TASP1: variants seen among roughly 807,000 people sequenced by gnomAD.
TASP1 encodes the protein threonine aspartase 1.
A neutral mutation model predicts 56.6 loss-of-function variants in TASP1; 16 were observed. The ratio of observed to expected loss-of-function variants is 0.28; its 90% CI spans 0.19 to 0.43. The LOEUF (loss-of-function observed/expected upper bound fraction) is 0.43, where lower values mean the gene tolerates loss of function less well. Ranked by LOEUF, TASP1 falls within the 20% of genes least tolerant of loss-of-function variation. The pLI, the probability that TASP1 is intolerant of heterozygous loss-of-function variation, is 1.00. For synonymous variants in TASP1, 179 were observed against 184.2 expected, an observed-to-expected ratio of 0.97 and a Z score of 0.23; for missense variants, 393 against 511.6, an observed-to-expected ratio of 0.77 and a Z score of 2.24.
At chr20:13,606,748 A>G (rs939290556) in intron 4 of TASP1, among the ~76,000 whole-genome samples, 4 of 149,416 alleles carry the variant, frequency 2.7e-5, no homozygotes, top group African/African-American at 9.9e-5. Flanking sequence ...CGGAGCTTGC[A>G]GTGAGCCGAG....
chr20:13,309,122 A>G, the TASP1 span, among the ~76,000 whole-genome samples: 107 of 152,340 alleles, frequency 7.0e-4, no homozygotes, highest in African/African-American at 2.5e-3. Flanking sequence ...TTTAAAACTC[A>G]CAATGCAAGG....
At chr20:13,249,037 G>C in the TASP1 span, among the ~76,000 whole-genome samples, 416 of 152,282 alleles carry the variant, frequency 2.7e-3, 6 homozygotes, top group African/African-American at 9.4e-3. Flanking sequence ...CAGGCCCCAC[G>C]TACATGTGGT....
the TASP1 span, among the ~76,000 whole-genome samples, chr20:13,132,108 G>A: frequency 6.6e-6 from 1 of 151,686 alleles, no homozygotes; most frequent in Non-Finnish European, 1.5e-5. Flanking sequence ...GCCTTATTAG[G>A]GAATTGGCCC....
At chr20:13,136,506 G>T in the TASP1 span, among the ~76,000 whole-genome samples, 1 of 151,570 alleles carries the variant, frequency 6.6e-6, no homozygotes, top group East Asian at 1.9e-4. Context: ...AGGAAGTGGT[G>T]GGAGGATCAC....
chr20:13,577,817 C>G (rs1173416484), intron 6 of TASP1, among the ~76,000 whole-genome samples: 1 of 152,202 alleles, frequency 6.6e-6, no homozygotes, highest in Non-Finnish European at 1.5e-5. Context: ...TAAATTAATT[C>G]TAACACTAAG....
At chr20:13,266,031 A>G in the TASP1 span, among the ~76,000 whole-genome samples, 2 of 152,204 alleles carry the variant, frequency 1.3e-5, no homozygotes, top group Admixed American at 1.3e-4. Flanking sequence ...GAAGAGAGAA[A>G]GGCAAATGGC....
the TASP1 span, among the ~76,000 whole-genome samples, chr20:13,124,274 G>C: frequency 6.6e-6 from 1 of 151,904 alleles, no homozygotes; most frequent in Non-Finnish European, 1.5e-5. Flanking sequence ...GACAGAGAAG[G>C]TTATTGGTAT....
At chr20:13,268,252 C>T in the TASP1 span, among the ~76,000 whole-genome samples, 61 of 151,072 alleles carry the variant, frequency 4.0e-4, no homozygotes, top group African/African-American at 1.3e-3. Flanking sequence ...CTTCTCTTCA[C>T]TCCTCTTCTC....
the TASP1 span, among the ~76,000 whole-genome samples, chr20:13,318,171 C>T: frequency 1.9e-4 from 5 of 26,614 alleles, no homozygotes; most frequent in Non-Finnish European, 4.7e-4. Context: ...AAAAATGAGC[C>T]AAAGACTCTA....
the TASP1 span, among the ~76,000 whole-genome samples, chr20:13,295,209 ATCC>A: frequency 6.6e-6 from 1 of 152,148 alleles, no homozygotes; most frequent in East Asian, 1.9e-4. Flanking sequence ...ATCTCTTCTG[ATCC>A]CACCTGCTGT....
At chr20:13,251,005 A>G in the TASP1 span, among the ~76,000 whole-genome samples, 7 of 152,188 alleles carry the variant, frequency 4.6e-5, no homozygotes, top group African/African-American at 1.7e-4. Context: ...TGACCTGGAA[A>G]TTTTATAACT....
the TASP1 span, among the ~76,000 whole-genome samples, chr20:13,212,317 C>A: frequency 6.6e-6 from 1 of 152,154 alleles, no homozygotes; most frequent in Admixed American, 6.5e-5. Flanking sequence ...GAAGACTGCC[C>A]TTTGGATACC....
At chr20:13,126,727 T>A in the TASP1 span, 4 of 1,613,640 alleles carry the variant, frequency 2.5e-6, no homozygotes, top group Non-Finnish European at 1.7e-6. Flanking sequence ...GGTAAGAGGA[T>A]CTGCAGAGAG....
chr20:13,280,267 A>G, the TASP1 span, among the ~76,000 whole-genome samples: 1 of 151,784 alleles, frequency 6.6e-6, no homozygotes, highest in East Asian at 1.9e-4. Context: ...CCTGAAAATC[A>G]GTGTAGTAAA....
At chr20:13,393,124 C>A in intron 13 of TASP1, 1 of 646,000 alleles carries the variant, frequency 1.5e-6, no homozygotes, top group Non-Finnish European at 2.9e-6. Context: ...AGCAATGCCT[C>A]CTGTACCACC....
At chr20:13,361,281 C>T in the TASP1 span, among the ~76,000 whole-genome samples, 450 of 152,168 alleles carry the variant, frequency 3.0e-3, 2 homozygotes, top group East Asian at 0.011. Context: ...AGAAGGCCAC[C>T]GCAGTCATTT....
At chr20:13,171,262 A>T in the TASP1 span, among the ~76,000 whole-genome samples, 1 of 152,350 alleles carries the variant, frequency 6.6e-6, no homozygotes, top group Middle Eastern at 3.4e-3. Context: ...ATACATGTAA[A>T]GCTTCAATTA....
At chr20:13,137,504 A>T in the TASP1 span, among the ~76,000 whole-genome samples, 1 of 152,130 alleles carries the variant, frequency 6.6e-6, no homozygotes, top group African/African-American at 2.4e-5. Flanking sequence ...TTGGCTATAT[A>T]GTGTTATATT....
At chr20:13,576,327 GAGAAAGAAAGAAAGGAAGAAAGAA>G (rs1395365601) in intron 6 of TASP1, among the ~76,000 whole-genome samples, 2 of 122,724 alleles carry the variant, frequency 1.6e-5, no homozygotes, top group African/African-American at 6.2e-5. Flanking sequence ...AGAAAGAAAA[GAGAAAGAAAGAAAGGAAGAAAGAA>G]AGAAAGAAAG....
Sources: allele counts gnomAD v4.1 joint callset (sites outside exome capture counted in the v4.1 genomes callset), GRCh38; gene constraint gnomAD v4.1.1; transcripts MANE v1.5; gene names NCBI Gene and HGNC (gene_info 2026-07-23, HGNC 2026-07-21).